The following FNTB variants were observed in gnomAD, a reference collection of about 807,000 sequenced individuals.
The protein encoded by FNTB is farnesyltransferase, CAAX box, subunit beta.
A neutral mutation model predicts 59.4 loss-of-function variants in FNTB; 27 were observed. The ratio of observed to expected loss-of-function variants is 0.45; its 90% CI spans 0.34 to 0.63. FNTB has a LOEUF of 0.63. Ranked by LOEUF, FNTB falls within the 20% of genes least tolerant of loss-of-function variation. The probability of loss-of-function intolerance (pLI) is 0.02; values close to 1 mark genes in which losing one functional copy is unlikely to be tolerated. For synonymous variants in FNTB, 230 were observed against 220.7 expected, an observed-to-expected ratio of 1.04 and a Z score of -0.37; for missense variants, 449 against 559.6, an observed-to-expected ratio of 0.80 and a Z score of 1.99.
chr14:65,057,835 C>T (rs1382939402), intron 11 of FNTB, among the ~76,000 whole-genome samples: 1 of 152,210 alleles, frequency 6.6e-6, no homozygotes, highest in African/African-American at 2.4e-5. Flanking sequence ...ATGTGTATCT[C>T]ATGTGTACCA....
In FNTB at chr14:65,032,627, C is replaced by T. The variant is rs1331351989; in HGVS notation, c.623C>T (p.Ala208Val). 3 of 1,613,792 alleles carry T rather than the reference C, an allele frequency of 1.9e-6. No individual in the cohort carries two copies. The highest frequency in any genetic ancestry group is 2.5e-6 in the Non-Finnish European group (3 of 1,180,028). ...CTTTCCAGAAGCGCATACTGTGCTG[C>T]CTCCGTAGCCTCGCTGACCAACATC... The part of the protein sequence containing the change: ...EVDVRSAYCA[A>V]SVASLTNIIT... The change falls in exon 7 of 12, where the codon GCC (alanine) becomes GTC (valine). Residue 208 changes from alanine (A) to valine (V), a missense_variant. Physicochemically the swap from Ala to Val is moderately conservative, Grantham distance 64. Around this residue, in one of 2 missense-constraint regions of FNTB, gnomAD observed 337 missense variants for 479.1 expected, o/e 0.70. Transcript: ENST00000246166. This position sits in a 1 kb window ranked among gnomAD's most constrained non-coding sequence, Gnocchi z 5.0.
At position 65,023,762 on chromosome 14, in the gene FNTB, G is replaced by T. The variant is rs2061929111; in HGVS notation, c.375-3691G>T. 1.3e-5 allele frequency among the ~76,000 whole-genome samples: 2 copies of T among 152,212 alleles called. No individual in the cohort carries two copies. The highest frequency in any genetic ancestry group is 4.8e-5 in the African/African-American group (2 of 41,520). ...GTATCTCATTGCTACTCAAAATGTG[G>T]TCCCCAGACCAGGAGCATTGCTATC... On this transcript the variant is annotated intron_variant, in intron 4 of 11. Coordinates refer to ENST00000246166, the MANE Select transcript of FNTB (RefSeq NM_002028.4). The surrounding 1 kb of genome is among the most constrained non-coding windows in gnomAD (Gnocchi z 4.1).
Position 65,054,832 on chromosome 14 carries a change from C to A in FNTB, c.1182+143C>A. ...CCCTCTGCCCTTCGAGCTGTGCAGC[C>A]GTTAGTGAGGATGTGACCACAGAGG... On this transcript the variant is annotated intron_variant, in intron 11 of 11. Transcript: ENST00000246166. The surrounding 1 kb of genome is among the most constrained non-coding windows in gnomAD (Gnocchi z 4.4). The A allele has an allele frequency of 1.1e-6, 1 of 919,560 alleles. No individual in the cohort carries two copies. The highest frequency in any genetic ancestry group is 1.6e-6 in the Non-Finnish European group (1 of 614,956). 57.0% of individuals were successfully genotyped at this position (919,560 alleles called of 1,614,324 possible). A position where few individuals can be genotyped will look rare whatever the true frequency, so the allele number is the denominator to read the frequency against.
rs578102693 is a variant in FNTB at position 65,023,875 on chromosome 14, C to T, written c.375-3578C>T. 5.3e-5 allele frequency among the ~76,000 whole-genome samples: 8 copies of T among 152,102 alleles called. No individual in the cohort carries two copies. Among genetic ancestry groups the T allele is most frequent in the East Asian group, 3.9e-4 (2 of 5,172 alleles). ...TAGCACTTTGGGAGGCCAAGGCGGG[C>T]GGATTGTCTGAGCTCGGGAGTTCGA... is the stretch of plus-strand genomic sequence containing the variant. On this transcript the variant is annotated intron_variant, in intron 4 of 11. Transcript: ENST00000246166. The surrounding 1 kb of genome is among the most constrained non-coding windows in gnomAD (Gnocchi z 4.1).
chr14:65,022,564 G>A (rs2061908867), intron 4 of FNTB, among the ~76,000 whole-genome samples: 2 of 151,668 alleles, frequency 1.3e-5, no homozygotes, highest in Non-Finnish European at 1.5e-5. Context: ...ATAAGGTCTC[G>A]CTGTATTGCC....
At chr14:64,988,535 C>T (rs1340638657) in intron 1 of FNTB, among the ~76,000 whole-genome samples, 15 of 150,900 alleles carry the variant, frequency 9.9e-5, no homozygotes, top group Middle Eastern at 3.4e-3. Flanking sequence ...CCCGGGTTCA[C>T]GCCATTCGCC....
In FNTB at chr14:65,027,766, G is replaced by A; in HGVS notation, c.590G>A (p.Gly197Asp). Reference protein sequence around the residue: ...PDGSFLMHVGGEVDVRSAYCA... With the variant: ...PDGSFLMHVGDEVDVRSAYCA... Reference sequence around the variant, plus strand: ...GGCTCCTTTCTCATGCATGTCGGAGGTGAGGTGGATGTGAGGTGAGTGGGG... The same window carrying A: ...GGCTCCTTTCTCATGCATGTCGGAGATGAGGTGGATGTGAGGTGAGTGGGG... Residue 197 changes from glycine to aspartate, a missense_variant, in exon 6 of 12, where the codon GGT becomes GAT. Coordinates refer to ENST00000246166, the MANE Select transcript of FNTB (RefSeq NM_002028.4). This position sits in a 1 kb window ranked among gnomAD's most constrained non-coding sequence, Gnocchi z 5.7. 6.2e-7 allele frequency: 1 copy of A among 1,614,176 alleles called. No individual in the cohort carries two copies. The highest frequency in any genetic ancestry group is 8.5e-7 in the Non-Finnish European group (1 of 1,180,032).
chr14:65,046,930 C>T (rs991457073), intron 9 of FNTB, among the ~76,000 whole-genome samples: 17 of 151,822 alleles, frequency 1.1e-4, no homozygotes, highest in African/African-American at 3.9e-4. Flanking sequence ...AGTTATTTTA[C>T]AGAAACAGGG....
At chr14:65,037,469 G>C (rs1229609331) in intron 7 of FNTB, among the ~76,000 whole-genome samples, 1 of 77,798 alleles carries the variant, frequency 1.3e-5, no homozygotes, top group East Asian at 3.7e-4. Flanking sequence ...TTTGTTTTAT[G>C]TGTCTCCCAG....
rs1382639631 is a variant in FNTB at position 64,994,134 on chromosome 14, C to T, written c.144+7037C>T. Among the ~76,000 whole-genome samples, 1 of 152,156 alleles carries T rather than the reference C, an allele frequency of 6.6e-6. No individual in the cohort carries two copies. The highest frequency in any genetic ancestry group is 1.5e-5 in the Non-Finnish European group (1 of 68,024). ...CCTCCCAAAGTGCTGGGATTACAGGCGTGAGGTACCATGCCTGGCCTAGTG... is the reference window on the plus strand; with the variant it reads ...CCTCCCAAAGTGCTGGGATTACAGGTGTGAGGTACCATGCCTGGCCTAGTG... On this transcript the variant is annotated intron_variant, in intron 1 of 11. Coordinates refer to ENST00000246166, the MANE Select transcript of FNTB (RefSeq NM_002028.4). The surrounding 1 kb of genome is among the most constrained non-coding windows in gnomAD (Gnocchi z 4.2).
At chr14:65,040,982 G>A in intron 8 of FNTB, 63 bp downstream of exon 8, 1 of 1,588,862 alleles carries the variant, frequency 6.3e-7, no homozygotes. Flanking sequence ...ATTGTACTCA[G>A]ACATGCAGGC....
At chr14:64,996,766 CTTTTTTTT>C (rs34327825) in intron 1 of FNTB, among the ~76,000 whole-genome samples, 6 of 94,464 alleles carry the variant, frequency 6.4e-5, no homozygotes, top group African/African-American at 1.2e-4. Context: ...TTGCTAACAT[CTTTTTTTT>C]TTTTTTTTTT....
At chr14:65,004,051 T>C (rs189384333) in intron 1 of FNTB, among the ~76,000 whole-genome samples, 198 bp from the exon 2 acceptor site, 1 of 152,312 alleles carries the variant, frequency 6.6e-6, no homozygotes, top group African/African-American at 2.4e-5. Context: ...TCCATTGTGA[T>C]GCCAGCATGG....
intron 7 of FNTB, among the ~76,000 whole-genome samples, chr14:65,034,200 C>G (rs894263170): frequency 6.6e-6 from 1 of 152,210 alleles, no homozygotes; most frequent in Non-Finnish European, 1.5e-5. Context: ...CTGGAGCCCT[C>G]TGCCCTCCTG....
Position 65,055,182 on chromosome 14 carries a change from G to A in FNTB, c.1182+493G>A, listed in dbSNP as rs1305377497. The stretch of plus-strand genomic sequence containing the variant: ...TTTGTAGTACTTTACTCAGTTGGTG[G>A]TGTGTTGTTTAATGTGTGTTTGTCT... On this transcript the variant is annotated intron_variant, in intron 11 of 11. Transcript: ENST00000246166. Among the ~76,000 whole-genome samples, 6 of 143,806 alleles carry A rather than the reference G, an allele frequency of 4.2e-5. No homozygotes were observed. In the South Asian group the frequency reaches 6.8e-4, roughly 16 times the overall value. The allele number at this position is 143,806 out of a possible 152,430, so 94.3% of individuals were successfully genotyped here.
chr14:65,011,604 T>G lies in FNTB; in HGVS notation c.210-713T>G, dbSNP rs2061684722. Reference sequence around the variant, plus strand: ...CATCTTGACAATCTGTGCTTTTTGTTTCCTTCCCTAGTCACACAGGCTCTT... The same window carrying G: ...CATCTTGACAATCTGTGCTTTTTGTGTCCTTCCCTAGTCACACAGGCTCTT... On this transcript the variant is annotated intron_variant, in intron 2 of 11. Transcript: ENST00000246166. The surrounding 1 kb of genome is among the most constrained non-coding windows in gnomAD (Gnocchi z 4.0). 6.6e-6 allele frequency among the ~76,000 whole-genome samples: 1 copy of G among 152,200 alleles called. No homozygotes were observed. Among genetic ancestry groups the G allele is most frequent in the Non-Finnish European group, 1.5e-5 (1 of 68,032 alleles).
intron 11 of FNTB, among the ~76,000 whole-genome samples, chr14:65,060,836 G>A (rs541740991): frequency 1.5e-5 from 2 of 131,454 alleles, no homozygotes; most frequent in Non-Finnish European, 3.1e-5. Flanking sequence ...TCGTGTCAAT[G>A]CACTCCAGCC....
At position 65,009,883 on chromosome 14, in the gene FNTB, AT is replaced by A. The variant is rs2061657400; in HGVS notation, c.210-2430del. 6.6e-6 allele frequency among the ~76,000 whole-genome samples: 1 copy of A among 151,792 alleles called. No individual in the cohort carries two copies. Among genetic ancestry groups the A allele is most frequent in the Non-Finnish European group, 1.5e-5 (1 of 67,946 alleles). On this transcript the variant is annotated intron_variant, in intron 2 of 11. Coordinates refer to ENST00000246166, the MANE Select transcript of FNTB (RefSeq NM_002028.4). The surrounding 1 kb of genome is among the most constrained non-coding windows in gnomAD (Gnocchi z 4.2). ...TTTATTGGACAGGGCTCTGCTTGTC[AT>A]TTTCACATGTGTGTCCACCTCTGGA... is the stretch of plus-strand genomic sequence containing the variant.
At chr14:64,995,976 AG>A (rs1888377698) in intron 1 of FNTB, among the ~76,000 whole-genome samples, 2 of 151,516 alleles carry the variant, frequency 1.3e-5, no homozygotes, top group Admixed American at 1.3e-4. Flanking sequence ...TACAAAAATT[AG>A]CCAGGCCTGG....
Sources: gnomAD v4.1 joint callset for allele counts (sites outside exome capture counted in the v4.1 genomes callset) on GRCh38, gnomAD v4.1.1 for gene constraint, gnomAD v4.1.1 regional missense constraint, Gnocchi (gnomAD v3.1) non-coding constraint, MANE v1.5 for transcripts, NCBI Gene and HGNC (gene_info 2026-07-23, HGNC 2026-07-21) for gene names.